The following WDPCP variants were observed in gnomAD, a reference collection of about 807,000 sequenced individuals.
WDPCP encodes WD repeat containing planar cell polarity effector.
A neutral mutation model predicts 93.1 loss-of-function variants in WDPCP; 71 were observed. The ratio of observed to expected loss-of-function variants is 0.76; its 90% CI spans 0.63 to 0.93. The LOEUF (loss-of-function observed/expected upper bound fraction) is 0.93, where lower values mean the gene tolerates loss of function less well. WDPCP is among the 40% of genes least tolerant of loss of function. The pLI is 0.00. For synonymous variants in WDPCP, 315 were observed against 315.0 expected (o/e 1.00, Z 0.00); for missense variants, 844 against 887.4 (o/e 0.95, Z 0.62).
At chr2:63,795,060 T>A (rs1490683108) in intron 2 of WDPCP, among the ~76,000 whole-genome samples, 2 of 152,246 alleles carry the variant, frequency 1.3e-5, no homozygotes, top group Admixed American at 6.5e-5. Context: ...GCTGGAATAC[T>A]CTACTTCCAG....
chr2:63,258,348 C>T (rs897474017), intron 14 of WDPCP, among the ~76,000 whole-genome samples: 14 of 152,094 alleles, frequency 9.2e-5, no homozygotes, highest in African/African-American at 3.4e-4. Context: ...TACCTGTCAG[C>T]CCTGGTATTC....
chr2:63,135,686 C>T (rs1161015192), intron 17 of WDPCP, among the ~76,000 whole-genome samples: 1 of 152,128 alleles, frequency 6.6e-6, no homozygotes, highest in Non-Finnish European at 1.5e-5. Flanking sequence ...ATAATCCTCT[C>T]TTTATGTTTT....
chr2:63,186,408 C>G (rs1468609974), intron 14 of WDPCP, among the ~76,000 whole-genome samples: 1 of 152,216 alleles, frequency 6.6e-6, no homozygotes, highest in East Asian at 1.9e-4. Flanking sequence ...TCTCTAATGC[C>G]CATGGCTACT....
At chr2:63,708,217 C>T (rs1250794316) in intron 2 of WDPCP, among the ~76,000 whole-genome samples, 1 of 152,184 alleles carries the variant, frequency 6.6e-6, no homozygotes, top group Non-Finnish European at 1.5e-5. Flanking sequence ...TGTGCCCTGC[C>T]CCCAGAGGTG....
intron 6 of WDPCP, among the ~76,000 whole-genome samples, chr2:63,445,564 G>C (rs1024605166): frequency 6.6e-6 from 1 of 152,074 alleles, no homozygotes; most frequent in Non-Finnish European, 1.5e-5. Flanking sequence ...ACAGAAACAT[G>C]GTCAAATTTG....
intron 2 of WDPCP, among the ~76,000 whole-genome samples, chr2:63,712,244 G>A (rs2103755494): frequency 6.6e-6 from 1 of 152,268 alleles, no homozygotes; most frequent in East Asian, 1.9e-4. Flanking sequence ...ATATAATGTG[G>A]GCTTGGGCTC....
intron 17 of WDPCP, among the ~76,000 whole-genome samples, chr2:63,127,643 T>C (rs1037619496): frequency 4.7e-4 from 66 of 141,896 alleles, no homozygotes; most frequent in African/African-American, 1.6e-3. Flanking sequence ...AACATGTAAA[T>C]ACCGTGTATG....
chr2:63,595,583 GT>G, intron 3 of WDPCP: 1 of 1,060,366 alleles, frequency 9.4e-7, no homozygotes, highest in Non-Finnish European at 1.4e-6. Context: ...CAGGTTTTAG[GT>G]TTTTGTTAAA....
At chr2:63,347,651 T>C (rs1253420810) in intron 12 of WDPCP, among the ~76,000 whole-genome samples, 1 of 152,142 alleles carries the variant, frequency 6.6e-6, no homozygotes, top group East Asian at 1.9e-4. Context: ...AAAAGAATGA[T>C]CAAGTAGCTC....
At chr2:63,588,078 G>A (rs984154472) in intron 1 of WDPCP, 119 bp downstream of exon 1, 318 of 1,254,426 alleles carry the variant, frequency 2.5e-4, no homozygotes, top group Non-Finnish European at 2.0e-4. Context: ...GCTCAGAAAA[G>A]GGACCGGCGA....
chr2:63,723,923 G>C (rs575421649), intron 2 of WDPCP, among the ~76,000 whole-genome samples: 2 of 152,182 alleles, frequency 1.3e-5, no homozygotes, highest in Non-Finnish European at 2.9e-5. Context: ...GTACAGAGGG[G>C]CAACTCATCT....
chr2:63,562,095 C>A lies in WDPCP; in HGVS notation c.75+26102G>T, dbSNP rs562165968. On this transcript the variant is annotated intron_variant, in intron 1 of 17. Transcript: ENST00000272321. Reference sequence around the variant, plus strand: ...TGTATTTCCACTGCAGCACCATTCACAATAGCAAAAACATGGAATTAGTCC... The same window carrying A: ...TGTATTTCCACTGCAGCACCATTCAAAATAGCAAAAACATGGAATTAGTCC... 2.4e-4 allele frequency among the ~76,000 whole-genome samples: 37 copies of A among 152,238 alleles called. No individual in the cohort carries two copies. In the South Asian group the frequency reaches 7.5e-3, roughly 31 times the overall value.
intron 13 of WDPCP, among the ~76,000 whole-genome samples, chr2:63,282,111 C>G (rs1037051831): frequency 6.6e-6 from 1 of 152,138 alleles, no homozygotes. Flanking sequence ...ACAAACAACT[C>G]TAAATACCAA....
chr2:63,684,516 T>C (rs1668778475), intron 2 of WDPCP: 5 of 735,144 alleles, frequency 6.8e-6, no homozygotes, highest in Non-Finnish European at 1.3e-5. Context: ...ATCAAGTCTT[T>C]TGTGAGAGTT....
chr2:63,430,451 A>G (rs192746819), intron 9 of WDPCP, among the ~76,000 whole-genome samples: 30 of 152,374 alleles, frequency 2.0e-4, no homozygotes, highest in Admixed American at 1.1e-3. Context: ...GATGATCTAC[A>G]TAGAGAACAT....
chr2:63,676,698 G>A (rs1021970924), intron 2 of WDPCP, among the ~76,000 whole-genome samples: 3 of 152,162 alleles, frequency 2.0e-5, no homozygotes, highest in African/African-American at 4.8e-5. Context: ...GGCTATAAAG[G>A]AATAACACAG....
intron 13 of WDPCP, among the ~76,000 whole-genome samples, chr2:63,294,517 AAAAAAAAAAAAAAAGTGCTGAAAG>A (rs1177025082): frequency 1.7e-4 from 25 of 151,152 alleles, no homozygotes; most frequent in Non-Finnish European, 1.5e-5. Context: ...CGAAAAAAAA[AAAAAAAAAAAAAAAGTGCTGAAAG>A]AAAAAAAATG....
chr2:63,402,832 A>C (rs900981777), intron 10 of WDPCP, among the ~76,000 whole-genome samples: 1 of 152,156 alleles, frequency 6.6e-6, no homozygotes, highest in African/African-American at 2.4e-5. Context: ...GTGAGGGGGG[A>C]GTGTAAATTA....
chr2:63,416,857 T>C (rs1695469927), intron 9 of WDPCP, among the ~76,000 whole-genome samples: 1 of 152,194 alleles, frequency 6.6e-6, no homozygotes, highest in South Asian at 2.1e-4. Flanking sequence ...TTTAAATACT[T>C]GGGTTCAGAA....
Sources: gnomAD v4.1 joint callset for allele counts (sites outside exome capture counted in the v4.1 genomes callset) on GRCh38, gnomAD v4.1.1 for gene constraint, MANE v1.5 for transcripts, NCBI Gene and HGNC (gene_info 2026-07-23, HGNC 2026-07-21) for gene names.